FARP1: variants seen among roughly 807,000 people sequenced by gnomAD.
The protein encoded by FARP1 is FERM, ARHGEF and pleckstrin domain-containing protein 1.
A neutral mutation model predicts 128.8 loss-of-function variants in FARP1; 52 were observed. The observed-to-expected ratio is 0.40, with a 90% confidence interval of 0.32 to 0.51. The LOEUF (loss-of-function observed/expected upper bound fraction) is 0.51, where lower values mean the gene tolerates loss of function less well. Among genes scored for constraint, FARP1 ranks in the 20% least tolerant of loss-of-function variants. The pLI is 0.45. For synonymous variants in FARP1, 580 were observed against 551.8 expected, an observed-to-expected ratio of 1.05 and a Z score of -0.72; for missense variants, 1,333 against 1,367.9, an observed-to-expected ratio of 0.97 and a Z score of 0.40.
At chr13:98,430,833 C>T (rs1332118934) in intron 17 of FARP1, among the ~76,000 whole-genome samples, 1 of 152,212 alleles carries the variant, frequency 6.6e-6, no homozygotes, top group East Asian at 1.9e-4. Flanking sequence ...TTAAACTGCT[C>T]AGTACCTTAA....
chr13:98,163,234 C>T (rs1409467436), intron 1 of FARP1, among the ~76,000 whole-genome samples: 11 of 152,122 alleles, frequency 7.2e-5, no homozygotes, highest in South Asian at 2.1e-4. Context: ...AAGCAAATAC[C>T]GCATGTTGTC....
rs893459871 is a variant in FARP1 at position 98,451,600 on chromosome 13, G to C, written c.*3283G>C. On this transcript the variant is annotated 3_prime_UTR_variant, in exon 27 of 27. Coordinates refer to ENST00000319562, the MANE Select transcript of FARP1 (RefSeq NM_005766.4). ...CTCTGTCCCCTCCCTATAGCTTAGA[G>C]GCCACTAGACCAGCAGATAGCTGAG... is the stretch of plus-strand genomic sequence containing the variant. 1.3e-5 allele frequency: 2 copies of C among 152,094 alleles called. No homozygotes were observed. The highest frequency in any genetic ancestry group is 2.9e-5 in the Non-Finnish European group (2 of 68,048). 9.4% of individuals were successfully genotyped at this position (152,094 alleles called of 1,614,324 possible). A position where few individuals can be genotyped will look rare whatever the true frequency, so the allele number is the denominator to read the frequency against.
At position 98,395,213 on chromosome 13, in the gene FARP1, C is replaced by T. The variant is rs781446674; in HGVS notation, c.1165-14C>T. The T allele has an allele frequency of 7.6e-6, 12 of 1,577,628 alleles. No individual in the cohort carries two copies. The South Asian group carries it at 1.4e-4, about 18-fold the overall frequency. On this transcript the variant is annotated splice_polypyrimidine_tract_variant and intron_variant, in intron 12 of 26. Coordinates refer to ENST00000319562, the MANE Select transcript of FARP1 (RefSeq NM_005766.4). ...TTCTCTATCTCTCCGCACCTTTTTC[C>T]CCACCCCACCCAGTCTCAGCAGAGC... is the stretch of plus-strand genomic sequence containing the variant.
At chr13:98,258,052 C>A (rs1203241401) in intron 2 of FARP1, among the ~76,000 whole-genome samples, 1 of 152,080 alleles carries the variant, frequency 6.6e-6, no homozygotes, top group Non-Finnish European at 1.5e-5. Flanking sequence ...TGGCTCACTG[C>A]AAGCTCTGCC....
At chr13:98,207,966 A>ACACACACACACACT (rs1880391267) in intron 1 of FARP1, among the ~76,000 whole-genome samples, 1 of 144,684 alleles carries the variant, frequency 6.9e-6, no homozygotes, top group Non-Finnish European at 1.5e-5. Flanking sequence ...ACACACACAC[A>ACACACACACACACT]CACTTTGATT....
At chr13:98,372,086 T>TC (rs1555341307) in intron 5 of FARP1, among the ~76,000 whole-genome samples, 2 of 141,696 alleles carry the variant, frequency 1.4e-5, no homozygotes, top group South Asian at 2.4e-4. Context: ...TTTTTCTTTT[T>TC]TTTTTTTTTT....
At chr13:98,399,611 C>A (rs540476787) in intron 13 of FARP1, 1 of 152,338 alleles carries the variant, frequency 6.6e-6, no homozygotes, top group South Asian at 2.1e-4. Context: ...CTCAACCAAT[C>A]TTTCTAGGAC....
At position 98,409,518 on chromosome 13, in the gene FARP1, G is replaced by T. The variant is rs139183577; in HGVS notation, c.1595G>T (p.Arg532Leu). The T allele has an allele frequency of 2.5e-6, 4 of 1,609,110 alleles. No individual in the cohort carries two copies. In the African/African-American group the frequency reaches 5.3e-5, roughly 22 times the overall value. The change falls in exon 14 of 27, where the codon CGG becomes CTG. Residue 532 changes from arginine (R) to leucine (L), a missense_variant. By Grantham distance (102) the Arg-to-Leu change is moderately radical. Transcript: ENST00000319562. ...CGGACGGACGATGAGGATGAGGGCC[G>T]GAGGAAGGTACAGGGCCGAGGGCTC... ...CPRTDDEDEGRRKRFPTDKAY... is the reference protein window; with the variant it reads ...CPRTDDEDEGLRKRFPTDKAY...
At chr13:98,149,010 C>T (rs1171462665) in intron 1 of FARP1, among the ~76,000 whole-genome samples, 1 of 152,072 alleles carries the variant, frequency 6.6e-6, no homozygotes, top group African/African-American at 2.4e-5. Context: ...CGTCGGCCTC[C>T]CAAGTAGCTG....
chr13:98,444,353 G>T (rs1393126350), intron 24 of FARP1, among the ~76,000 whole-genome samples: 7 of 140,084 alleles, frequency 5.0e-5, no homozygotes, highest in African/African-American at 1.7e-4. Flanking sequence ...CCACAGCAGG[G>T]TCTGAGGGAA....
At chr13:98,330,125 A>T (rs1887437566) in intron 2 of FARP1, 1 of 152,498 alleles carries the variant, frequency 6.6e-6, no homozygotes, top group South Asian at 2.1e-4. Context: ...AGCCTGTGCA[A>T]AGGCCTGGAG....
At chr13:98,268,041 C>A (rs1244195098) in intron 2 of FARP1, among the ~76,000 whole-genome samples, 2 of 152,176 alleles carry the variant, frequency 1.3e-5, no homozygotes, top group Non-Finnish European at 1.5e-5. Context: ...GCACATTGTT[C>A]GACCTCCAGA....
At chr13:98,414,987 A>G (rs901756547) in intron 16 of FARP1, among the ~76,000 whole-genome samples, 2 of 152,200 alleles carry the variant, frequency 1.3e-5, no homozygotes, top group African/African-American at 2.4e-5. Flanking sequence ...AAGAAGCACA[A>G]TGTCTGAACA....
intron 2 of FARP1, among the ~76,000 whole-genome samples, chr13:98,274,564 C>T (rs1174342458): frequency 6.6e-6 from 1 of 152,090 alleles, no homozygotes; most frequent in African/African-American, 2.4e-5. Context: ...AGCTTTTAGG[C>T]AAACTCCTCC....
Position 98,254,819 on chromosome 13 carries a change from G to A in FARP1, c.171+41406G>A, listed in dbSNP as rs536029628. 2.6e-5 allele frequency among the ~76,000 whole-genome samples: 4 copies of A among 152,266 alleles called. No homozygotes were observed. In the South Asian group the frequency reaches 8.3e-4, roughly 32 times the overall value. On this transcript the variant is annotated intron_variant, in intron 2 of 26. Transcript: ENST00000319562. ...ATATGTTAGTATAACCAATGGCAGT[G>A]GGGGAATGGGAAAGCAATGATGGGA...
intron 1 of FARP1, among the ~76,000 whole-genome samples, chr13:98,144,063 A>C (rs1449885416): frequency 7.4e-6 from 1 of 135,622 alleles, no homozygotes; most frequent in Non-Finnish European, 1.5e-5. Context: ...ATGCAGGGCA[A>C]AGTTTTTTTT....
chr13:98,160,918 A>G lies in FARP1; in HGVS notation c.-24+17426A>G, dbSNP rs189831308. On this transcript the variant is annotated intron_variant, in intron 1 of 26. Transcript: ENST00000319562. ...GGTCTCGAACTCCTGACCTCAGGTG[A>G]TCCACCCGCTTAACCTCCCAAAGTG... Among the ~76,000 whole-genome samples, 100 of 152,170 alleles carry G rather than the reference A, an allele frequency of 6.6e-4. 1 individual carries two copies. Among genetic ancestry groups the G allele is most frequent in the Non-Finnish European group, 1.2e-3 (85 of 68,006 alleles).
rs1416515206 is a variant in FARP1, at chr13:98,343,766, G to C, written c.176G>C (p.Arg59Thr). 1 of 1,612,386 alleles carries C rather than the reference G, an allele frequency of 6.2e-7. No homozygotes were observed. Among genetic ancestry groups the C allele is most frequent in the African/African-American group, 1.3e-5 (1 of 74,876 alleles). Reference sequence around the variant, plus strand: ...CCCTGTTGTTTCTGCTCACAGCAAAGAGCTCCTGGGAAGGTGCTGCTGGAT... The same window carrying C: ...CCCTGTTGTTTCTGCTCACAGCAAACAGCTCCTGGGAAGGTGCTGCTGGAT... ...DTQEAFEVPQ[R>T]APGKVLLDAV... Residue 59 changes from arginine (R) to threonine (T), a missense_variant, in exon 3 of 27, where the codon AGA (arginine) becomes ACA (threonine). By Grantham distance (71) the Arg-to-Thr change is moderately conservative (BLOSUM62 -1). This residue lies in a region of FARP1 where 324 missense variants were observed against 398.1 expected (regional missense o/e 0.81). Transcript: ENST00000319562.
chr13:98,374,886 G>C (rs1889513131), intron 5 of FARP1, among the ~76,000 whole-genome samples: 1 of 152,188 alleles, frequency 6.6e-6, no homozygotes, highest in South Asian at 2.1e-4. Context: ...GAGGTGGGTG[G>C]AACAGGGAGG....
Sources: allele counts gnomAD v4.1 joint callset (sites outside exome capture counted in the v4.1 genomes callset), GRCh38; gene constraint gnomAD v4.1.1; regional missense constraint gnomAD v4.1.1; transcripts MANE v1.5; gene names NCBI Gene and HGNC (gene_info 2026-07-23, HGNC 2026-07-21).